AKT3: variants seen among roughly 807,000 people sequenced by gnomAD.
AKT3 encodes the protein RAC-gamma serine/threonine-protein kinase.
In AKT3, 15 loss-of-function variants were observed where a neutral mutation model predicts 65.3. That is an observed-to-expected ratio of 0.23 (90% CI 0.15 to 0.35). AKT3 has a LOEUF of 0.35. Among genes scored for constraint, AKT3 ranks in the 10% least tolerant of loss-of-function variants. The probability of loss-of-function intolerance (pLI) is 1.00; values close to 1 mark genes in which losing one functional copy is unlikely to be tolerated. For missense variants in AKT3, 243 were observed against 576.5 expected, an observed-to-expected ratio of 0.42 and a Z score of 5.92; for synonymous variants, 206 against 183.8, an observed-to-expected ratio of 1.12 and a Z score of -0.98.
In AKT3 at chr1:243,501,239, A is replaced by AGTC. The variant is rs1669268522; in HGVS notation, c.*4007_*4009dup. 1 of 232,640 alleles carries AGTC rather than the reference A, an allele frequency of 4.3e-6. No individual in the cohort carries two copies. Among genetic ancestry groups the AGTC allele is most frequent in the African/African-American group, 2.2e-5 (1 of 45,112 alleles). The allele number at this position is 232,640 out of a possible 1,614,324, so 14.4% of individuals were successfully genotyped here. ...CCCCATCCAGAATGATTCAACGTGA[A>AGTC]GTCAGACTGCAGTCCAGCCATCCTA... is the stretch of plus-strand genomic sequence containing the variant. On this transcript the variant is annotated 3_prime_UTR_variant, in exon 14 of 14. Transcript: ENST00000673466.
chr1:243,490,612 G>C (rs895949903), intron 13 of AKT3, among the ~76,000 whole-genome samples: 3 of 152,254 alleles, frequency 2.0e-5, no homozygotes, highest in Admixed American at 6.5e-5. Context: ...AGTGGGCATG[G>C]TGCACGCCTG....
At chr1:243,567,786 T>C (rs1271908441) in intron 9 of AKT3, among the ~76,000 whole-genome samples, 1 of 152,150 alleles carries the variant, frequency 6.6e-6, no homozygotes, top group Admixed American at 6.5e-5. Flanking sequence ...AATCTAATCT[T>C]GTATAAAGAT....
intron 13 of AKT3, among the ~76,000 whole-genome samples, chr1:243,490,405 T>C (rs1332323621): frequency 6.6e-6 from 1 of 152,238 alleles, no homozygotes; most frequent in African/African-American, 2.4e-5. Context: ...GCACGCTCCA[T>C]GGCAGGGCCC....
chr1:243,713,517 T>C (rs1686287523), intron 2 of AKT3, among the ~76,000 whole-genome samples: 1 of 151,998 alleles, frequency 6.6e-6, no homozygotes, highest in Admixed American at 6.6e-5. Context: ...CAGTTCGACA[T>C]CTGCACATGT....
At chr1:243,744,084 T>C (rs1379371360) in intron 2 of AKT3, among the ~76,000 whole-genome samples, 1 of 151,912 alleles carries the variant, frequency 6.6e-6, no homozygotes, top group Admixed American at 6.6e-5. Flanking sequence ...AATCCAAAAA[T>C]AGAACAGATA....
intron 2 of AKT3, among the ~76,000 whole-genome samples, chr1:243,806,297 A>T (rs562453718): frequency 6.6e-6 from 1 of 152,152 alleles, no homozygotes; most frequent in African/African-American, 2.4e-5. Context: ...AGCACGTTTT[A>T]TTCTTTTTGT....
In AKT3 at chr1:243,585,857, T is replaced by C. The variant is rs1487858283; in HGVS notation, c.697-12809A>G. Reference sequence around the variant, plus strand: ...AAAAATTATATGACTAAGTCCTCGATAGCAATTGAACAAAACCAAAAATCG... The same window carrying C: ...AAAAATTATATGACTAAGTCCTCGACAGCAATTGAACAAAACCAAAAATCG... On this transcript the variant is annotated intron_variant, in intron 8 of 13. Transcript: ENST00000673466. Among the ~76,000 whole-genome samples the C allele has an allele frequency of 3.9e-5, 6 of 152,096 alleles. No homozygotes were observed. In the East Asian group the frequency reaches 7.7e-4, roughly 20 times the overall value.
At chr1:243,637,257 T>C (rs1276237766) in intron 6 of AKT3, among the ~76,000 whole-genome samples, 2 of 151,440 alleles carry the variant, frequency 1.3e-5, no homozygotes, top group East Asian at 3.9e-4. Context: ...TGAGTAAAAA[T>C]CATCTACACT....
chr1:243,575,391 A>C (rs972490638), intron 8 of AKT3, among the ~76,000 whole-genome samples: 7 of 152,178 alleles, frequency 4.6e-5, no homozygotes, highest in Non-Finnish European at 8.8e-5. Flanking sequence ...GATAAGACAG[A>C]ATCTCTTATG....
chr1:243,791,770 A>G (rs1037226954), intron 2 of AKT3, among the ~76,000 whole-genome samples: 1 of 152,226 alleles, frequency 6.6e-6, no homozygotes, highest in Non-Finnish European at 1.5e-5. Flanking sequence ...TGGGCGGCAT[A>G]AAGAACAAAC....
intron 4 of AKT3, 122 bp downstream of exon 4, chr1:243,664,650 T>C: frequency 6.1e-6 from 2 of 327,110 alleles, no homozygotes; most frequent in Non-Finnish European, 1.0e-5. Context: ...AGCAAGAATT[T>C]AGAGACTATA....
chr1:243,699,329 T>C (rs1334136025), intron 2 of AKT3, among the ~76,000 whole-genome samples: 1 of 151,614 alleles, frequency 6.6e-6, no homozygotes, highest in Non-Finnish European at 1.5e-5. Context: ...GCATTTATGA[T>C]GTACCAAGTA....
intron 12 of AKT3, among the ~76,000 whole-genome samples, chr1:243,540,436 C>T (rs1410988851): frequency 6.6e-6 from 1 of 152,132 alleles, no homozygotes; most frequent in Non-Finnish European, 1.5e-5. Context: ...CTAGAACTTC[C>T]TCAATCTGAT....
At chr1:243,644,830 G>A (rs1406535264) in intron 5 of AKT3, among the ~76,000 whole-genome samples, 1 of 152,148 alleles carries the variant, frequency 6.6e-6, no homozygotes, top group African/African-American at 2.4e-5. Context: ...GTAGGTAGGT[G>A]GGTGTAGCTA....
intron 8 of AKT3, among the ~76,000 whole-genome samples, chr1:243,581,301 T>C (rs1220571383): frequency 1.3e-5 from 2 of 152,216 alleles, no homozygotes; most frequent in Admixed American, 6.5e-5. Flanking sequence ...ATTCCATGAA[T>C]TGGCCATAGC....
In AKT3 at chr1:243,563,958, A is replaced by C. The variant is rs569834660; in HGVS notation, c.820-110T>G. Reference sequence around the variant, plus strand: ...GTAAGGTATTTTGGAAACAGGACATAGTTGTAGCTAATAGAACGCTCAGTA... The same window carrying C: ...GTAAGGTATTTTGGAAACAGGACATCGTTGTAGCTAATAGAACGCTCAGTA... On this transcript the variant is annotated intron_variant, in intron 9 of 13. Coordinates refer to ENST00000673466, the MANE Select transcript of AKT3 (RefSeq NM_005465.7). 6 of 1,056,676 alleles carry C rather than the reference A, an allele frequency of 5.7e-6. No individual in the cohort carries two copies. The East Asian group carries it at 1.3e-4, about 23-fold the overall frequency. The allele number at this position is 1,056,676 out of a possible 1,614,324, so 65.5% of individuals were successfully genotyped here. A position where few individuals can be genotyped will look rare whatever the true frequency, so the allele number is the denominator to read the frequency against.
intron 2 of AKT3, among the ~76,000 whole-genome samples, chr1:243,702,094 G>A (rs1351967485): frequency 8.7e-6 from 1 of 115,342 alleles, no homozygotes; most frequent in African/African-American, 3.3e-5. Context: ...GAGGGAGAGA[G>A]CCATAGAATT....
intron 2 of AKT3, among the ~76,000 whole-genome samples, chr1:243,833,244 T>C (rs1393001958): frequency 6.6e-6 from 1 of 151,658 alleles, no homozygotes; most frequent in African/African-American, 2.4e-5. Context: ...AGAGCAAGAC[T>C]CCATATCAAA....
chr1:243,783,659 A>AC lies in AKT3; in HGVS notation c.46+59465dup, dbSNP rs1249461456. Among the ~76,000 whole-genome samples, 4 of 152,348 alleles carry AC rather than the reference A, an allele frequency of 2.6e-5. No homozygotes were observed. In the East Asian group the frequency reaches 5.8e-4, roughly 22 times the overall value. On this transcript the variant is annotated intron_variant, in intron 2 of 13. Coordinates refer to ENST00000673466, the MANE Select transcript of AKT3 (RefSeq NM_005465.7). ...GGTGAAAAAGTACGACAAAGCTAGGACATGGGTACTTTAGTGCTCACTTTA... is the reference window on the plus strand; with the variant it reads ...GGTGAAAAAGTACGACAAAGCTAGGACCATGGGTACTTTAGTGCTCACTTTA...
Sources: gnomAD v4.1 joint callset for allele counts (sites outside exome capture counted in the v4.1 genomes callset) on GRCh38, gnomAD v4.1.1 for gene constraint, MANE v1.5 for transcripts, NCBI Gene and HGNC (gene_info 2026-07-23, HGNC 2026-07-21) for gene names.